NHS: variants seen among roughly 807,000 people sequenced by gnomAD.
NHS encodes the protein NHS actin remodeling regulator, also known as actin remodeling regulator NHS.
Under a neutral mutation model 72.5 loss-of-function variants are expected in NHS, and 5 were observed. That is an observed-to-expected ratio of 0.07 (90% CI 0.04 to 0.14). The LOEUF (loss-of-function observed/expected upper bound fraction) is 0.14. Among genes scored for constraint, NHS ranks in the 10% least tolerant of loss-of-function variants. The probability of loss-of-function intolerance (pLI) is 1.00; values close to 1 mark genes in which losing one functional copy is unlikely to be tolerated. For missense variants in NHS, 1,072 were observed against 1,355.7 expected (o/e 0.79, Z 3.29); for synonymous variants, 464 against 547.7 (o/e 0.85, Z 2.13).
chrX:17,582,466 G>C (rs1190721987), intron 1 of NHS, among the ~76,000 whole-genome samples: 1 of 112,379 alleles, frequency 8.9e-6, no homozygotes, highest in Non-Finnish European at 1.9e-5. Context: ...ATACCTAGAA[G>C]TGAGAGGGGT....
At chrX:17,405,495 C>T (rs2064525080) in intron 1 of NHS, among the ~76,000 whole-genome samples, 1 of 112,108 alleles carries the variant, frequency 8.9e-6, no homozygotes, top group Non-Finnish European at 1.9e-5. Context: ...TGACTAATCA[C>T]AGTGGATTTC....
chrX:17,422,687 C>A (rs988799941), intron 1 of NHS, among the ~76,000 whole-genome samples: 1 of 111,742 alleles, frequency 8.9e-6, no homozygotes, highest in Non-Finnish European at 1.9e-5. Context: ...GCAAAATTAC[C>A]CTCAGTTGAG....
intron 1 of NHS, among the ~76,000 whole-genome samples, chrX:17,641,110 T>TTTTTA (rs1174328578): frequency 3.6e-5 from 4 of 112,475 alleles, no homozygotes; most frequent in Admixed American, 9.4e-5. Context: ...AGTTGCTTCT[T>TTTTTA]TTTTATTTTA....
chrX:17,603,325 T>C (rs1039721802), intron 1 of NHS, among the ~76,000 whole-genome samples: 5 of 112,301 alleles, frequency 4.5e-5, no homozygotes, highest in Non-Finnish European at 9.4e-5. Flanking sequence ...TTAGCAACGG[T>C]GATTTTAGGC....
At chrX:17,706,576 G>T (rs1376820226) in intron 3 of NHS, among the ~76,000 whole-genome samples, 2 of 111,425 alleles carry the variant, frequency 1.8e-5, no homozygotes, top group Non-Finnish European at 3.8e-5. Flanking sequence ...TACACCGCTA[G>T]TGCTTCTGAT....
intron 1 of NHS, among the ~76,000 whole-genome samples, chrX:17,398,678 G>A (rs899878279): frequency 8.9e-6 from 1 of 111,797 alleles, no homozygotes; most frequent in East Asian, 2.8e-4. Flanking sequence ...GTCTAAAGTG[G>A]TCTTACCTCT....
At chrX:17,666,362 T>G (rs746629906) in intron 1 of NHS, among the ~76,000 whole-genome samples, 1 of 112,474 alleles carries the variant, frequency 8.9e-6, no homozygotes, top group South Asian at 3.7e-4. Context: ...AAGCACTGCC[T>G]AGGTGAAACA....
intron 1 of NHS, among the ~76,000 whole-genome samples, chrX:17,487,572 G>A (rs2064972329): frequency 9.0e-6 from 1 of 111,407 alleles, no homozygotes; most frequent in Non-Finnish European, 1.9e-5. Flanking sequence ...TGATGTACCC[G>A]CCCTTGCTTT....
intron 1 of NHS, among the ~76,000 whole-genome samples, chrX:17,559,904 C>A (rs753260944): frequency 5.4e-5 from 6 of 111,849 alleles, no homozygotes; most frequent in Non-Finnish European, 9.4e-5. Flanking sequence ...ACTTCCTTCT[C>A]TTCCCTGTTT....
At chrX:17,533,537 T>A (rs2384824) in intron 1 of NHS, among the ~76,000 whole-genome samples, 19 of 111,462 alleles carry the variant, frequency 1.7e-4, no homozygotes, top group Admixed American at 4.7e-4. Context: ...CACCTGCCTC[T>A]GCTTCTCAAA....
At chrX:17,577,385 C>T (rs781294779) in intron 1 of NHS, among the ~76,000 whole-genome samples, 13 of 111,425 alleles carry the variant, frequency 1.2e-4, no homozygotes, top group African/African-American at 3.3e-4. Flanking sequence ...TTGTATTTCT[C>T]GGGTTACTGA....
chrX:17,459,376 C>T (rs934595403), intron 1 of NHS, among the ~76,000 whole-genome samples: 7 of 111,614 alleles, frequency 6.3e-5, no homozygotes, highest in Non-Finnish European at 1.1e-4. Context: ...TGGGCCAGTT[C>T]GTAATGAAGG....
intron 1 of NHS, among the ~76,000 whole-genome samples, chrX:17,468,432 G>A (rs1159220816): frequency 9.2e-6 from 1 of 109,143 alleles, no homozygotes; most frequent in South Asian, 4.0e-4. Context: ...TATTGGGAGA[G>A]AGCTTTTTTT....
intron 1 of NHS, among the ~76,000 whole-genome samples, chrX:17,551,689 G>T (rs1172791073): frequency 8.9e-6 from 1 of 111,757 alleles, no homozygotes; most frequent in Non-Finnish European, 1.9e-5. Flanking sequence ...GTGCACAAGT[G>T]CAGAGAATCA....
At chrX:17,420,513 C>T (rs1390748476) in intron 1 of NHS, among the ~76,000 whole-genome samples, 1 of 111,219 alleles carries the variant, frequency 9.0e-6, no homozygotes, top group East Asian at 2.8e-4. Flanking sequence ...CACCCATCTA[C>T]CCATCTACTC....
At chrX:17,452,874 T>C (rs1387543061) in intron 1 of NHS, among the ~76,000 whole-genome samples, 1 of 111,879 alleles carries the variant, frequency 8.9e-6, no homozygotes, top group Non-Finnish European at 1.9e-5. Flanking sequence ...GGTTGGGCAG[T>C]TTATCCAGGG....
chrX:17,430,271 CT>C lies in NHS; in HGVS notation c.565+53952del, dbSNP rs1831377445. Among the ~76,000 whole-genome samples, 4 of 56,477 alleles carry C rather than the reference CT, an allele frequency of 7.1e-5. No homozygotes were observed. The Admixed American group carries it at 8.3e-4, about 12-fold the overall frequency. The allele number at this position is 56,477 out of a possible 115,157, so 49.0% of individuals were successfully genotyped here. A position where few individuals can be genotyped will look rare whatever the true frequency, so the allele number is the denominator to read the frequency against. On this transcript the variant is annotated intron_variant, in intron 1 of 8. Transcript: ENST00000676302. ...CTCCCCTCTTTCTTTTTCTTTCTTT[CT>C]TTCTTTCTTTCTTTCTTTCTTTCTT... is the stretch of plus-strand genomic sequence containing the variant.
chrX:17,652,000 C>T (rs187040571), intron 1 of NHS, among the ~76,000 whole-genome samples: 1 of 112,723 alleles, frequency 8.9e-6, no homozygotes, highest in African/African-American at 3.2e-5. Context: ...CCCACACACT[C>T]TCTATTTTTG....
chrX:17,464,926 T>G (rs910040686), intron 1 of NHS, among the ~76,000 whole-genome samples: 9 of 112,255 alleles, frequency 8.0e-5, no homozygotes, highest in Non-Finnish European at 7.5e-5. Flanking sequence ...TGCATGGAAA[T>G]ACCAGCCTGC....
Sources: gnomAD v4.1 joint callset for allele counts (sites outside exome capture counted in the v4.1 genomes callset) on GRCh38, gnomAD v4.1.1 for gene constraint, MANE v1.5 for transcripts, NCBI Gene and HGNC (gene_info 2026-07-23, HGNC 2026-07-21) for gene names.